Variants in FAF1 observed in about 807,000 individuals in gnomAD.
The protein encoded by FAF1 is Fas associated factor 1, also known as FAS-associated factor 1.
FAF1 carries 25 observed loss-of-function variants against 92.5 expected under a neutral mutation model. That is an observed-to-expected ratio of 0.27 (90% CI 0.20 to 0.38). The LOEUF is 0.38. FAF1 is among the 10% of genes least tolerant of loss of function. The pLI is 1.00. For synonymous variants in FAF1, 234 were observed against 273.2 expected (o/e 0.86, Z 1.42); for missense variants, 636 against 793.3 (o/e 0.80, Z 2.38).
intron 1 of FAF1, among the ~76,000 whole-genome samples, chr1:50,865,994 A>G (rs975083033): frequency 1.3e-5 from 2 of 152,112 alleles, no homozygotes; most frequent in African/African-American, 2.4e-5. Flanking sequence ...CAAAATGAGA[A>G]TCCACCATGA....
At chr1:50,721,011 A>G (rs900892984) in intron 6 of FAF1, among the ~76,000 whole-genome samples, 1 of 152,114 alleles carries the variant, frequency 6.6e-6, no homozygotes, top group South Asian at 2.1e-4. Flanking sequence ...CTATGTGTAC[A>G]TATATAATTA....
At chr1:50,448,929 G>T (rs998357550) in intron 18 of FAF1, among the ~76,000 whole-genome samples, 6 of 145,870 alleles carry the variant, frequency 4.1e-5, no homozygotes, top group African/African-American at 1.3e-4. Flanking sequence ...ATGATACGAG[G>T]GTCACAGCTT....
chr1:50,680,092 T>A (rs951790789), intron 7 of FAF1, among the ~76,000 whole-genome samples: 48 of 152,310 alleles, frequency 3.2e-4, no homozygotes, highest in Admixed American at 9.2e-4. Context: ...AATTAGGAAA[T>A]CTTAAAATAT....
intron 8 of FAF1, among the ~76,000 whole-genome samples, chr1:50,612,808 C>T (rs1652739106): frequency 6.6e-6 from 1 of 152,176 alleles, no homozygotes; most frequent in Non-Finnish European, 1.5e-5. Flanking sequence ...AGTAATTTCA[C>T]CTTGCCAGTT....
intron 13 of FAF1, among the ~76,000 whole-genome samples, chr1:50,550,881 T>C (rs1277754940): frequency 1.3e-5 from 2 of 152,220 alleles, no homozygotes; most frequent in Admixed American, 1.3e-4. Context: ...TGATTCCATA[T>C]GTCAGAAAAT....
chr1:50,557,192 T>C (rs901169096), intron 13 of FAF1, among the ~76,000 whole-genome samples: 2 of 152,186 alleles, frequency 1.3e-5, no homozygotes, highest in Admixed American at 1.3e-4. Flanking sequence ...GAAAAGGACT[T>C]TCTTGGTGCT....
At chr1:50,703,503 C>T (rs1169532904) in intron 7 of FAF1, among the ~76,000 whole-genome samples, 1 of 152,018 alleles carries the variant, frequency 6.6e-6, no homozygotes, top group East Asian at 1.9e-4. Context: ...CCTGTCTACT[C>T]ACAGAGAAGC....
At chr1:50,677,954 C>A (rs1269737715) in intron 7 of FAF1, among the ~76,000 whole-genome samples, 1 of 151,156 alleles carries the variant, frequency 6.6e-6, no homozygotes. Context: ...CAGTTCTTGC[C>A]ATCTTCCTTG....
chr1:50,448,390 AGTT>A (rs1464120926), intron 18 of FAF1, among the ~76,000 whole-genome samples: 10 of 152,050 alleles, frequency 6.6e-5, no homozygotes, highest in Non-Finnish European at 1.5e-4. Context: ...TGCCTCCCAG[AGTT>A]GTTGTGAGGG....
In FAF1 at chr1:50,603,029, G is replaced by C. The variant is rs536205007; in HGVS notation, c.745-6813C>G. On this transcript the variant is annotated intron_variant, in intron 8 of 18. Transcript: ENST00000396153. Reference sequence around the variant, plus strand: ...ACTAAATCTCACACAGAATAAGAAGGTTGCCCAAAGTCAAACAGGTACTGA... The same window carrying C: ...ACTAAATCTCACACAGAATAAGAAGCTTGCCCAAAGTCAAACAGGTACTGA... Among the ~76,000 whole-genome samples, 8 of 152,182 alleles carry C rather than the reference G, an allele frequency of 5.3e-5. No homozygotes were observed. In the South Asian group the frequency reaches 1.7e-3, roughly 32 times the overall value.
At chr1:50,678,353 T>A (rs1024315651) in intron 7 of FAF1, among the ~76,000 whole-genome samples, 1 of 152,220 alleles carries the variant, frequency 6.6e-6, no homozygotes, top group African/African-American at 2.4e-5. Context: ...TAGTTTTGAA[T>A]GAAAAGTGGT....
At chr1:50,566,973 A>C in intron 13 of FAF1, 104 bp downstream of exon 13, 1 of 805,278 alleles carries the variant, frequency 1.2e-6, no homozygotes, top group Non-Finnish European at 1.8e-6. Flanking sequence ...ATGCAATGGT[A>C]GAGAGTTTAA....
intron 15 of FAF1, among the ~76,000 whole-genome samples, chr1:50,532,097 G>A (rs1369860551): frequency 6.6e-6 from 1 of 152,106 alleles, no homozygotes; most frequent in Non-Finnish European, 1.5e-5. Flanking sequence ...TAGTCCAAAA[G>A]AAGTCTTTAA....
intron 1 of FAF1, among the ~76,000 whole-genome samples, chr1:50,907,730 C>T (rs976187907): frequency 3.6e-4 from 55 of 152,018 alleles, no homozygotes; most frequent in Non-Finnish European, 7.6e-4. Flanking sequence ...GTGATATCCC[C>T]TTTATCATTT....
At chr1:50,786,869 GC>G (rs2124571229) in intron 4 of FAF1, among the ~76,000 whole-genome samples, 1 of 152,272 alleles carries the variant, frequency 6.6e-6, no homozygotes, top group African/African-American at 2.4e-5. Flanking sequence ...TCAATGGAAA[GC>G]TTTTGAATGG....
chr1:50,490,516 A>AAGGT (rs1646826081), intron 17 of FAF1, 72 bp downstream of exon 17: 6 of 708,794 alleles, frequency 8.5e-6, no homozygotes, highest in Admixed American at 2.2e-5. Context: ...GGAAGGAAGG[A>AAGGT]AGGTAGGTTA....
intron 15 of FAF1, among the ~76,000 whole-genome samples, chr1:50,520,923 A>G (rs1647466414): frequency 1.3e-5 from 2 of 152,306 alleles, no homozygotes; most frequent in Non-Finnish European, 2.9e-5. Context: ...CTTCTAGATC[A>G]TATAACAAAT....
chr1:50,938,388 C>T (rs1645103919), intron 1 of FAF1, among the ~76,000 whole-genome samples: 1 of 152,162 alleles, frequency 6.6e-6, no homozygotes, highest in Admixed American at 6.5e-5. Context: ...TCACCAGTAC[C>T]CTTTCATCAA....
chr1:50,505,588 A>G (rs1380062922), intron 15 of FAF1, among the ~76,000 whole-genome samples: 2 of 152,220 alleles, frequency 1.3e-5, no homozygotes, highest in African/African-American at 4.8e-5. Flanking sequence ...TTAGTAAACT[A>G]TGTATGGTCT....
Sources: gnomAD v4.1 joint callset for allele counts (sites outside exome capture counted in the v4.1 genomes callset) on GRCh38, gnomAD v4.1.1 for gene constraint, MANE v1.5 for transcripts, NCBI Gene and HGNC (gene_info 2026-07-23, HGNC 2026-07-21) for gene names.